ADARB2: variants seen among roughly 807,000 people sequenced by gnomAD.
ADARB2 encodes the protein adenosine deaminase RNA specific B2 (inactive), also known as inactive double-stranded RNA-specific editase B2.
Under a neutral mutation model 62.2 loss-of-function variants are expected in ADARB2, and 25 were observed. The ratio of observed to expected loss-of-function variants is 0.40; its 90% confidence interval spans 0.29 to 0.56. The LOEUF is 0.56. Among genes scored for constraint, ADARB2 ranks in the 20% least tolerant of loss-of-function variants. The pLI is 0.43. For missense variants in ADARB2, 1,071 were observed against 1,077.4 expected, an observed-to-expected ratio of 0.99 and a Z score of 0.08; for synonymous variants, 572 against 500.8, an observed-to-expected ratio of 1.14 and a Z score of -1.90.
At chr10:1,412,967 TCTTG>T (rs1832771660) in intron 1 of ADARB2, among the ~76,000 whole-genome samples, 1 of 151,768 alleles carries the variant, frequency 6.6e-6, no homozygotes, top group South Asian at 2.1e-4. Flanking sequence ...TGGAGAGGGG[TCTTG>T]CCCACTGCCT....
chr10:1,230,432 C>T (rs1478616323), intron 6 of ADARB2, among the ~76,000 whole-genome samples: 2 of 152,166 alleles, frequency 1.3e-5, no homozygotes, highest in Non-Finnish European at 2.9e-5. Flanking sequence ...CTGGAGGAGC[C>T]CCTCACAGCA....
At chr10:1,513,399 C>T (rs978966435) in intron 1 of ADARB2, among the ~76,000 whole-genome samples, 14 of 152,320 alleles carry the variant, frequency 9.2e-5, no homozygotes, top group African/African-American at 3.1e-4. Flanking sequence ...CAGCGCCCTG[C>T]AGCCGACTCT....
At chr10:1,368,393 C>T (rs530233481) in intron 2 of ADARB2, among the ~76,000 whole-genome samples, 3 of 152,300 alleles carry the variant, frequency 2.0e-5, no homozygotes, top group African/African-American at 7.2e-5. Flanking sequence ...TCTCATCCTC[C>T]TCTCAGCCGC....
At chr10:1,191,850 C>T (rs1836849676) in intron 8 of ADARB2, among the ~76,000 whole-genome samples, 1 of 152,188 alleles carries the variant, frequency 6.6e-6, no homozygotes, top group Non-Finnish European at 1.5e-5. Context: ...TGGGCTCTGG[C>T]AGCAGAGCAA....
At chr10:1,275,207 C>T (rs972934828) in intron 3 of ADARB2, among the ~76,000 whole-genome samples, 20 of 152,246 alleles carry the variant, frequency 1.3e-4, no homozygotes, top group Non-Finnish European at 2.5e-4. Flanking sequence ...GCATGGCCAG[C>T]AGATGCCAGG....
intron 1 of ADARB2, among the ~76,000 whole-genome samples, chr10:1,455,586 G>C (rs1195141457): frequency 2.6e-5 from 4 of 152,248 alleles, no homozygotes; most frequent in East Asian, 1.9e-4. Flanking sequence ...CTCTAAAAAA[G>C]TTTAATGTGT....
At chr10:1,557,028 T>C (rs1345136892) in intron 1 of ADARB2, 1 of 366,662 alleles carries the variant, frequency 2.7e-6, no homozygotes, top group Non-Finnish European at 5.5e-6. Context: ...AGTCCTGTGG[T>C]CATCACCAAA....
At chr10:1,226,454 C>A (rs946660915) in intron 6 of ADARB2, among the ~76,000 whole-genome samples, 1 of 152,172 alleles carries the variant, frequency 6.6e-6, no homozygotes, top group Non-Finnish European at 1.5e-5. Flanking sequence ...GCTGGTGAGG[C>A]ACTCCATTCC....
At chr10:1,287,634 T>G (rs1831425956) in intron 3 of ADARB2, among the ~76,000 whole-genome samples, 1 of 152,236 alleles carries the variant, frequency 6.6e-6, no homozygotes, top group Non-Finnish European at 1.5e-5. Flanking sequence ...AGGAGGAAAT[T>G]ACACATATAT....
At chr10:1,313,738 T>G (rs1291626231) in intron 3 of ADARB2, among the ~76,000 whole-genome samples, 1 of 151,982 alleles carries the variant, frequency 6.6e-6, no homozygotes, top group East Asian at 1.9e-4. Context: ...CCCATCCGAG[T>G]TAATCGAGGG....
intron 1 of ADARB2, among the ~76,000 whole-genome samples, chr10:1,686,261 G>T (rs1309127617): frequency 6.6e-6 from 1 of 152,244 alleles, no homozygotes; most frequent in Admixed American, 6.5e-5. Context: ...GCCTCGGCGG[G>T]GGTTCTCTGT....
chr10:1,241,576 T>G (rs1431472085), intron 5 of ADARB2, among the ~76,000 whole-genome samples: 1 of 152,094 alleles, frequency 6.6e-6, no homozygotes, highest in Non-Finnish European at 1.5e-5. Context: ...TGGGTTTTGC[T>G]CCTCTCTAAA....
At chr10:1,647,200 G>T (rs1388482013) in intron 1 of ADARB2, among the ~76,000 whole-genome samples, 2 of 152,196 alleles carry the variant, frequency 1.3e-5, no homozygotes, top group Non-Finnish European at 2.9e-5. Flanking sequence ...TTCCAGGAAC[G>T]TTAGAAAGAA....
intron 1 of ADARB2, among the ~76,000 whole-genome samples, chr10:1,608,158 TA>T (rs1833517210): frequency 1.3e-5 from 2 of 152,230 alleles, no homozygotes. Flanking sequence ...TGACATAGTA[TA>T]AAAGTCTGTG....
At chr10:1,703,875 C>T (rs571718520) in intron 1 of ADARB2, among the ~76,000 whole-genome samples, 61 of 152,272 alleles carry the variant, frequency 4.0e-4, no homozygotes, top group African/African-American at 7.5e-4. Context: ...TTGTTAAATG[C>T]GGTCAACCAC....
chr10:1,423,380 C>T (rs531966355), intron 1 of ADARB2, among the ~76,000 whole-genome samples: 40 of 152,338 alleles, frequency 2.6e-4, no homozygotes, highest in Non-Finnish European at 2.6e-4. Flanking sequence ...GAAACCCCTC[C>T]GGCCTCCTGG....
chr10:1,644,456 G>A (rs1374312735), intron 1 of ADARB2, among the ~76,000 whole-genome samples: 1 of 152,258 alleles, frequency 6.6e-6, no homozygotes, highest in Non-Finnish European at 1.5e-5. Context: ...GGTCGGGGGA[G>A]CAGGGAGAAG....
intron 1 of ADARB2, among the ~76,000 whole-genome samples, chr10:1,717,291 G>A (rs375589061): frequency 2.5e-4 from 37 of 147,424 alleles, no homozygotes; most frequent in South Asian, 2.0e-3. Flanking sequence ...GTATTTGGTT[G>A]CACAGGGATC....
At chr10:1,558,744 G>C (rs1832747229) in intron 1 of ADARB2, among the ~76,000 whole-genome samples, 3 of 144,326 alleles carry the variant, frequency 2.1e-5, no homozygotes, top group Non-Finnish European at 3.0e-5. Flanking sequence ...ATCTAAACTC[G>C]AATCCCACCT....
Sources: gnomAD v4.1 joint callset for allele counts (sites outside exome capture counted in the v4.1 genomes callset) on GRCh38, gnomAD v4.1.1 for gene constraint, MANE v1.5 for transcripts, NCBI Gene and HGNC (gene_info 2026-07-23, HGNC 2026-07-21) for gene names.